ZNF569: variants seen among roughly 807,000 people sequenced by gnomAD.
The protein encoded by ZNF569 is DNA-binding protein.
In ZNF569, 38 loss-of-function variants were observed where a neutral mutation model predicts 56.3. The ratio of observed to expected loss-of-function variants is 0.68; its 90% CI spans 0.52 to 0.88. The LOEUF (loss-of-function observed/expected upper bound fraction) is 0.88, where lower values mean the gene tolerates loss of function less well. Among genes scored for constraint, ZNF569 ranks in the 40% least tolerant of loss-of-function variants. The pLI, the probability that ZNF569 is intolerant of heterozygous loss-of-function variation, is 0.00. For synonymous variants in ZNF569, 241 were observed against 262.9 expected (o/e 0.92, Z 0.81); for missense variants, 666 against 809.2 (o/e 0.82, Z 2.15).
At chr19:37,426,105 C>T in intron 4 of ZNF569, 142 bp from the exon 5 acceptor site, 1 of 1,287,120 alleles carries the variant, frequency 7.8e-7, no homozygotes, top group South Asian at 1.4e-5. Flanking sequence ...GCTCTGAAAA[C>T]TGCAGCATGG....
At chr19:37,444,035 G>GTAAA (rs899300835) in intron 3 of ZNF569, among the ~76,000 whole-genome samples, 1 of 151,798 alleles carries the variant, frequency 6.6e-6, no homozygotes, top group African/African-American at 2.4e-5. Flanking sequence ...AAATAAATAA[G>GTAAA]TAAATAAATA....
upstream of ZNF569, chr19:37,467,959 C>G (rs1303561213): frequency 6.5e-7 from 1 of 1,535,800 alleles, no homozygotes; most frequent in South Asian, 1.2e-5. Context: ...ATTTCATGAC[C>G]CGGGATCGTG....
intron 3 of ZNF569, among the ~76,000 whole-genome samples, chr19:37,432,755 A>C (rs1266484911): frequency 6.6e-6 from 1 of 152,220 alleles, no homozygotes; most frequent in African/African-American, 2.4e-5. Flanking sequence ...AGCTGTTTTC[A>C]GGAAACTCAA....
At position 37,459,482 on chromosome 19, in the gene ZNF569, C is replaced by G. The variant is rs1047732897; in HGVS notation, c.-44+5831G>C. 6.6e-5 allele frequency among the ~76,000 whole-genome samples: 10 copies of G among 152,224 alleles called. 1 individual carries two copies. Among genetic ancestry groups the G allele is most frequent in the Middle Eastern group, 6.8e-3 (2 of 294 alleles). ...CTCTCTATCCAGGGAAATTATCCTTCAAAGTTGAAGGAGAAATGAAGACTT... is the reference window on the plus strand; with the variant it reads ...CTCTCTATCCAGGGAAATTATCCTTGAAAGTTGAAGGAGAAATGAAGACTT... On this transcript the variant is annotated intron_variant, in intron 2 of 5. Transcript: ENST00000316950.
chr19:37,451,275 C>T (rs897897743), intron 2 of ZNF569, among the ~76,000 whole-genome samples: 62 of 151,940 alleles, frequency 4.1e-4, no homozygotes, highest in African/African-American at 1.4e-3. Flanking sequence ...TGGTGGACAC[C>T]TGTAATCTCA....
intron 3 of ZNF569, among the ~76,000 whole-genome samples, chr19:37,431,922 A>G (rs986605617): frequency 3.3e-5 from 5 of 152,196 alleles, no homozygotes; most frequent in Admixed American, 6.5e-5. Flanking sequence ...GGTCAGTGGT[A>G]GCCACGGGGA....
intron 3 of ZNF569, among the ~76,000 whole-genome samples, chr19:37,438,428 C>G (rs537455464): frequency 6.6e-6 from 1 of 152,136 alleles, no homozygotes; most frequent in South Asian, 2.1e-4. Flanking sequence ...ACACAAAGAC[C>G]AATGGAACAG....
intron 5 of ZNF569, among the ~76,000 whole-genome samples, chr19:37,415,819 G>A (rs2146857730): frequency 6.6e-6 from 1 of 151,746 alleles, no homozygotes. Context: ...GGTAGAGGTT[G>A]CGGTGAGCCA....
chr19:37,462,814 T>G (rs1431786475), intron 2 of ZNF569, among the ~76,000 whole-genome samples: 2 of 152,224 alleles, frequency 1.3e-5, no homozygotes, highest in Admixed American at 6.5e-5. Context: ...AGTCTCGTGT[T>G]AAATACCATT....
At chr19:37,454,702 A>C in intron 2 of ZNF569, 1 of 592,696 alleles carries the variant, frequency 1.7e-6, no homozygotes, top group Non-Finnish European at 3.0e-6. Context: ...GGATTCCCAG[A>C]GGAAAAGCCT....
chr19:37,456,845 G>A (rs1195161210), intron 2 of ZNF569, among the ~76,000 whole-genome samples: 1 of 151,866 alleles, frequency 6.6e-6, no homozygotes, highest in Admixed American at 6.6e-5. Context: ...GCAGGCGCCT[G>A]TAATCCTAGC....
At chr19:37,464,250 C>T (rs1307815917) in intron 2 of ZNF569, among the ~76,000 whole-genome samples, 6 of 152,056 alleles carry the variant, frequency 3.9e-5, no homozygotes, top group East Asian at 3.9e-4. Flanking sequence ...AGTACAGTGG[C>T]GCAATCTCAG....
At chr19:37,469,248 A>C, upstream of ZNF569, 7 of 1,384,026 alleles carry the variant, frequency 5.1e-6, no homozygotes, top group South Asian at 1.6e-5. Flanking sequence ...GCTGCCAGAC[A>C]CTGCGACGCC....
chr19:37,446,162 C>T (rs1334127051), intron 2 of ZNF569, among the ~76,000 whole-genome samples: 2 of 152,158 alleles, frequency 1.3e-5, no homozygotes, highest in East Asian at 3.8e-4. Flanking sequence ...TTACAGTCAA[C>T]ATATCTTTGA....
intron 3 of ZNF569, among the ~76,000 whole-genome samples, chr19:37,443,765 G>A (rs1052317205): frequency 6.6e-6 from 1 of 151,880 alleles, no homozygotes; most frequent in African/African-American, 2.4e-5. Flanking sequence ...CCAGCACTGT[G>A]GGAGGTCAAG....
intron 2 of ZNF569, among the ~76,000 whole-genome samples, chr19:37,449,282 T>C (rs966198133): frequency 1.3e-5 from 2 of 152,200 alleles, no homozygotes; most frequent in Non-Finnish European, 2.9e-5. Context: ...GAGGAAGACA[T>C]GTATTCTGCT....
chr19:37,429,684 C>A (rs1013877003), intron 3 of ZNF569, among the ~76,000 whole-genome samples: 1 of 152,176 alleles, frequency 6.6e-6, no homozygotes, highest in African/African-American at 2.4e-5. Flanking sequence ...CAGCCACAGG[C>A]TCAGCATAGT....
At chr19:37,468,939 A>G (rs2041902028), upstream of ZNF569, 1 of 636,382 alleles carries the variant, frequency 1.6e-6, no homozygotes, top group Non-Finnish European at 1.9e-6. Context: ...CCTCCCACCC[A>G]TTTTGAGTAG....
At chr19:37,433,598 A>C (rs546788652) in intron 3 of ZNF569, among the ~76,000 whole-genome samples, 15 of 152,358 alleles carry the variant, frequency 9.8e-5, no homozygotes, top group African/African-American at 3.4e-4. Flanking sequence ...GATCCATTTA[A>C]ACACAGCAAG....
Sources: gnomAD v4.1 joint callset for allele counts (sites outside exome capture counted in the v4.1 genomes callset) on GRCh38, gnomAD v4.1.1 for gene constraint, MANE v1.5 for transcripts, NCBI Gene and HGNC (gene_info 2026-07-23, HGNC 2026-07-21) for gene names.